Variants in ZFYVE28 observed in about 807,000 individuals in gnomAD.
ZFYVE28 encodes zinc finger FYVE-type containing 28, also known as lateral signaling target protein 2 homolog.
A neutral mutation model predicts 82.1 loss-of-function variants in ZFYVE28; 40 were observed. That is an observed-to-expected ratio of 0.49 (90% confidence interval 0.38 to 0.63). The LOEUF (loss-of-function observed/expected upper bound fraction) is 0.63. ZFYVE28 is among the 30% of genes least tolerant of loss of function. ZFYVE28 has a pLI of 0.00. For synonymous variants in ZFYVE28, 612 were observed against 546.1 expected (o/e 1.12, Z -1.68); for missense variants, 1,321 against 1,242.1 (o/e 1.06, Z -0.96).
intron 10 of ZFYVE28, 45 bp from the exon 11 acceptor site, chr4:2,271,824 C>A: frequency 6.4e-7 from 1 of 1,570,992 alleles, no homozygotes; most frequent in Non-Finnish European, 8.8e-7. Flanking sequence ...GGGAGGCGGG[C>A]AATTGATGCA....
In ZFYVE28 at chr4:2,276,147, G is replaced by C. The variant is rs565892942; in HGVS notation, c.2052-1931C>G. Among the ~76,000 whole-genome samples the C allele has an allele frequency of 6.6e-5, 10 of 152,204 alleles. No individual in the cohort carries two copies. In the East Asian group the frequency reaches 1.4e-3, roughly 21 times the overall value. On this transcript the variant is annotated intron_variant, in intron 8 of 12. Transcript: ENST00000290974. ...TCAGGGCAGCGGGCTGCGGCAGAGCGGGGGAGGAGGCTGGAAGCGTCCCTG... is the reference window on the plus strand; with the variant it reads ...TCAGGGCAGCGGGCTGCGGCAGAGCCGGGGAGGAGGCTGGAAGCGTCCCTG...
intron 8 of ZFYVE28, among the ~76,000 whole-genome samples, chr4:2,297,133 G>T (rs935770445): frequency 6.6e-6 from 1 of 152,258 alleles, no homozygotes; most frequent in Admixed American, 6.5e-5. Context: ...AGCAGCAGGT[G>T]ACTCCCCACG....
rs1446607371 is a variant in ZFYVE28 at position 2,362,369 on chromosome 4, A to G, written c.40-8296T>C. Among the ~76,000 whole-genome samples the G allele has an allele frequency of 6.6e-6, 1 of 152,040 alleles. No homozygotes were observed. Among genetic ancestry groups the G allele is most frequent in the Non-Finnish European group, 1.5e-5 (1 of 67,988 alleles). On this transcript the variant is annotated intron_variant, in intron 1 of 12. Coordinates refer to ENST00000290974, the MANE Select transcript of ZFYVE28 (RefSeq NM_020972.3). This position sits in a 1 kb window ranked among gnomAD's most constrained non-coding sequence, Gnocchi z 5.1. ...GAAGAGCCTCTGCCTGGGACACACA[A>G]ATGCGGCCCCACAGCTGTGACCCCC...
chr4:2,334,315 A>G (rs1179202292), intron 6 of ZFYVE28, among the ~76,000 whole-genome samples: 1 of 151,954 alleles, frequency 6.6e-6, no homozygotes, highest in Non-Finnish European at 1.5e-5. Flanking sequence ...GGCCTGGCCC[A>G]GGGGTGTCCA....
At position 2,399,083 on chromosome 4, in the gene ZFYVE28, A is replaced by AGGTGAGATCCAGGGCACAAGCATGG. The variant is rs1297197658; in HGVS notation, c.39+19201_39+19202insCCATGCTTGTGCCCTGGATCTCACC. ...AGGTGAGATCCAGGGCACAAGCGTGAAGGTGAGATCCAGGGCACAAGCTGG... is the reference window on the plus strand; with the variant it reads ...AGGTGAGATCCAGGGCACAAGCGTGAGGTGAGATCCAGGGCACAAGCATGGAGGTGAGATCCAGGGCACAAGCTGG... On this transcript the variant is annotated intron_variant, in intron 1 of 12. Coordinates refer to ENST00000290974, the MANE Select transcript of ZFYVE28 (RefSeq NM_020972.3). Among the ~76,000 whole-genome samples, 18 of 117,604 alleles carry AGGTGAGATCCAGGGCACAAGCATGG rather than the reference A, an allele frequency of 1.5e-4. 2 individuals are homozygous for AGGTGAGATCCAGGGCACAAGCATGG. Among genetic ancestry groups the AGGTGAGATCCAGGGCACAAGCATGG allele is most frequent in the Admixed American group, 3.7e-4 (4 of 10,912 alleles). 77.2% of individuals were successfully genotyped at this position (117,604 alleles called of 152,430 possible).
intron 6 of ZFYVE28, chr4:2,330,637 G>A: frequency 2.9e-6 from 4 of 1,388,030 alleles, no homozygotes; most frequent in South Asian, 1.5e-5. Context: ...ATAGAGGAGG[G>A]GACAGTGTAG....
chr4:2,358,915 C>T (rs555192294), intron 1 of ZFYVE28, among the ~76,000 whole-genome samples: 1 of 152,038 alleles, frequency 6.6e-6, no homozygotes, highest in African/African-American at 2.4e-5. Flanking sequence ...GATCCTCCCA[C>T]CTCAGCCTCC....
chr4:2,331,004 G>C, intron 6 of ZFYVE28: 6 of 1,534,172 alleles, frequency 3.9e-6, no homozygotes, highest in Non-Finnish European at 5.2e-6. Flanking sequence ...GGCCACGTGG[G>C]CGGTGGCTCC....
intron 1 of ZFYVE28, among the ~76,000 whole-genome samples, chr4:2,367,537 C>A (rs1052482595): frequency 6.6e-6 from 1 of 152,246 alleles, no homozygotes; most frequent in Non-Finnish European, 1.5e-5. Context: ...TGAATTATTT[C>A]TCTCCTTCAA....
chr4:2,317,466 G>A (rs551188732), intron 7 of ZFYVE28, among the ~76,000 whole-genome samples: 1 of 152,260 alleles, frequency 6.6e-6, no homozygotes, highest in South Asian at 2.1e-4. Context: ...GCTGCGCTTA[G>A]GCCTGGTTAC....
At chr4:2,322,241 C>T (rs536570847) in intron 6 of ZFYVE28, among the ~76,000 whole-genome samples, 40 of 152,192 alleles carry the variant, frequency 2.6e-4, no homozygotes, top group Non-Finnish European at 5.0e-4. Context: ...CTGCCAGAGA[C>T]TCAGCATTTG....
chr4:2,305,353 T>G lies in ZFYVE28; in HGVS notation c.987A>C (p.Ala329=). 1 of 1,612,670 alleles carries G rather than the reference T, an allele frequency of 6.2e-7. No individual in the cohort carries two copies. Residue 329 remains alanine (A), a synonymous_variant, in exon 8 of 13, where the codon GCA becomes GCC. Transcript: ENST00000290974. ...PLSAKAKDPD[A]ELACSMQYDD... ...CGTACTGCATGGAGCAGGCCAGCTC[T>G]GCATCCGGGTCTTTGGCCTTAGCTG...
At chr4:2,302,007 C>A (rs1207603545) in intron 8 of ZFYVE28, among the ~76,000 whole-genome samples, 3 of 152,206 alleles carry the variant, frequency 2.0e-5, no homozygotes, top group Non-Finnish European at 2.9e-5. Context: ...GCCAGCCTCG[C>A]ATGAGGCCCT....
chr4:2,410,481 T>A (rs563830270), intron 1 of ZFYVE28, among the ~76,000 whole-genome samples: 19 of 146,300 alleles, frequency 1.3e-4, no homozygotes, highest in Non-Finnish European at 2.4e-4. Flanking sequence ...TTCATTTTTT[T>A]AACTTTATTT....
chr4:2,297,143 G>A (rs1560154969), intron 8 of ZFYVE28, among the ~76,000 whole-genome samples: 2 of 152,260 alleles, frequency 1.3e-5, no homozygotes, highest in African/African-American at 4.8e-5. Flanking sequence ...GACTCCCCAC[G>A]CAGCGGCGCC....
At chr4:2,289,565 G>A (rs540600107) in intron 8 of ZFYVE28, among the ~76,000 whole-genome samples, 62 of 152,234 alleles carry the variant, frequency 4.1e-4, no homozygotes, top group Non-Finnish European at 3.7e-4. Flanking sequence ...GGGTGGGCAC[G>A]GAGCCAGGTG....
chr4:2,316,395 A>T (rs1718215667), intron 7 of ZFYVE28: 1 of 152,290 alleles, frequency 6.6e-6, no homozygotes, highest in African/African-American at 2.4e-5. Context: ...AGTTTAGTGC[A>T]GACACCTGAT....
intron 1 of ZFYVE28, among the ~76,000 whole-genome samples, chr4:2,358,073 G>T (rs1373397729): frequency 6.6e-6 from 1 of 152,144 alleles, no homozygotes; most frequent in East Asian, 1.9e-4. Context: ...AGCAAAGAAT[G>T]GGGTACTTGC....
rs1303398197 is a variant in ZFYVE28 at position 2,408,848 on chromosome 4, G to C, written c.39+9437C>G. On this transcript the variant is annotated intron_variant, in intron 1 of 12. Transcript: ENST00000290974. The surrounding 1 kb of genome is among the most constrained non-coding windows in gnomAD (Gnocchi z 4.3). ...CCCACGGGCTGATCCACCCAATCCT[G>C]ACGTGGGGCAGCAGTGATGGTTTGA... Among the ~76,000 whole-genome samples, 3 of 152,202 alleles carry C rather than the reference G, an allele frequency of 2.0e-5. No homozygotes were observed. The highest frequency in any genetic ancestry group is 1.9e-4 in the East Asian group (1 of 5,198).
Sources: allele counts gnomAD v4.1 joint callset (sites outside exome capture counted in the v4.1 genomes callset), GRCh38; gene constraint gnomAD v4.1.1; non-coding constraint Gnocchi (gnomAD v3.1); transcripts MANE v1.5; gene names NCBI Gene and HGNC (gene_info 2026-07-23, HGNC 2026-07-21).